XRCC5: variants seen among roughly 807,000 people sequenced by gnomAD.
XRCC5 encodes X-ray repair cross complementing 5.
Under a neutral mutation model 95.7 loss-of-function variants are expected in XRCC5, and 12 were observed. That is an observed-to-expected ratio of 0.13 (90% CI 0.08 to 0.20). The LOEUF (loss-of-function observed/expected upper bound fraction) is 0.20, where lower values mean the gene tolerates loss of function less well. Among genes scored for constraint, XRCC5 ranks in the 10% least tolerant of loss-of-function variants. XRCC5 has a pLI of 1.00. For synonymous variants in XRCC5, 281 were observed against 290.3 expected (o/e 0.97, Z 0.33); for missense variants, 595 against 873.9 (o/e 0.68, Z 4.02).
chr2:216,117,854 A>G, intron 4 of XRCC5, 60 bp downstream of exon 4: 1 of 1,475,638 alleles, frequency 6.8e-7, no homozygotes, highest in South Asian at 1.1e-5. Context: ...GTATGGGTTA[A>G]TGTATTGAAT....
At chr2:216,187,882 C>G (rs1689536889) in intron 16 of XRCC5, among the ~76,000 whole-genome samples, 2 of 145,466 alleles carry the variant, frequency 1.4e-5, no homozygotes, top group Admixed American at 1.4e-4. Context: ...CTGTCTCTCC[C>G]TCTCTCTCTC....
chr2:216,184,608 G>C (rs1689458326), intron 16 of XRCC5, among the ~76,000 whole-genome samples: 1 of 152,142 alleles, frequency 6.6e-6, no homozygotes, highest in South Asian at 2.1e-4. Context: ...TCAGCCTCCT[G>C]AGTAGCTGGG....
intron 14 of XRCC5, among the ~76,000 whole-genome samples, chr2:216,154,651 A>G (rs966827257): frequency 6.6e-6 from 1 of 152,256 alleles, no homozygotes; most frequent in African/African-American, 2.4e-5. Flanking sequence ...ATCATGTGTG[A>G]AAGACAGAGA....
intron 14 of XRCC5, among the ~76,000 whole-genome samples, chr2:216,155,711 T>TATA (rs1202368922): frequency 2.8e-4 from 43 of 152,140 alleles, no homozygotes; most frequent in Non-Finnish European, 5.9e-5. Context: ...GAATAAGATC[T>TATA]ATAATAGCCT....
chr2:216,166,506 A>G (rs1177558842), intron 16 of XRCC5, among the ~76,000 whole-genome samples: 3 of 152,198 alleles, frequency 2.0e-5, no homozygotes, highest in Non-Finnish European at 4.4e-5. Context: ...TACACTATTC[A>G]TAAGCACATC....
At chr2:216,188,524 C>A (rs1176164597) in intron 16 of XRCC5, among the ~76,000 whole-genome samples, 1 of 152,178 alleles carries the variant, frequency 6.6e-6, no homozygotes, top group Non-Finnish European at 1.5e-5. Flanking sequence ...ATTCTCATTT[C>A]AAAAGAAATG....
chr2:216,146,588 C>T (rs1688638263), intron 13 of XRCC5, among the ~76,000 whole-genome samples: 1 of 152,156 alleles, frequency 6.6e-6, no homozygotes, highest in African/African-American at 2.4e-5. Context: ...GGAAGGAAAA[C>T]ATCAATAAAC....
At chr2:216,129,288 T>A (rs1696944007) in intron 8 of XRCC5, among the ~76,000 whole-genome samples, 1 of 152,238 alleles carries the variant, frequency 6.6e-6, no homozygotes, top group Non-Finnish European at 1.5e-5. Context: ...TTTTCTCCTG[T>A]CCTCCAGTTT....
At chr2:216,119,246 G>A in intron 5 of XRCC5, 81 bp downstream of exon 5, 3 of 1,499,930 alleles carry the variant, frequency 2.0e-6, no homozygotes, top group South Asian at 2.5e-5. Context: ...TAGAGTACTT[G>A]GTTTATGGGA....
chr2:216,127,492 A>G, intron 7 of XRCC5, 44 bp from the exon 8 acceptor site: 3 of 1,555,450 alleles, frequency 1.9e-6, no homozygotes, highest in South Asian at 2.5e-5. Flanking sequence ...TATCAATTGG[A>G]ATCCTAACTT....
chr2:216,138,226 C>A, intron 12 of XRCC5, 47 bp downstream of exon 12: 7 of 1,533,116 alleles, frequency 4.6e-6, no homozygotes, highest in Non-Finnish European at 6.3e-6. Context: ...ACACACTGTT[C>A]TTGGGAAATC....
chr2:216,162,931 G>A (rs969205896), intron 16 of XRCC5, among the ~76,000 whole-genome samples: 65 of 152,184 alleles, frequency 4.3e-4, no homozygotes, highest in African/African-American at 1.5e-3. Context: ...TCACTTGATT[G>A]CATTCAGGTT....
At chr2:216,136,391 A>G (rs1204685989) in intron 10 of XRCC5, among the ~76,000 whole-genome samples, 1 of 150,912 alleles carries the variant, frequency 6.6e-6, no homozygotes, top group African/African-American at 2.4e-5. Flanking sequence ...GAATGTACAG[A>G]TTTTTGATTC....
At position 216,148,050 on chromosome 2, in the gene XRCC5, T is replaced by C. The variant is rs191919266; in HGVS notation, c.1477-33T>C. 1.3e-3 allele frequency: 2,117 copies of C among 1,590,204 alleles called. 14 individuals are homozygous for C. Among genetic ancestry groups the C allele is most frequent in the Non-Finnish European group, 8.8e-4 (1,027 of 1,172,248 alleles). On this transcript the variant is annotated intron_variant, in intron 13 of 20. Transcript: ENST00000392132. ...TATAAAGAAGCCATATATGTCTCCA[T>C]CTGTGTTTTAAAATCCTTACTTTTT...
rs746493174 is a variant in XRCC5, at chr2:216,172,469, C to CTTTTTTTTTTTTTTTTTTTTT, written c.1834+10438_1834+10439insTTTTTTTTTTTTTTTTTTTTT. On this transcript the variant is annotated intron_variant, in intron 16 of 20. Transcript: ENST00000392132. The stretch of plus-strand genomic sequence containing the variant: ...AAACTTTAGCATCAGCTTTTCTTTT[C>CTTTTTTTTTTTTTTTTTTTTT]TTTTTTTTTTTTTTTTTGAGACAAA... Among the ~76,000 whole-genome samples the CTTTTTTTTTTTTTTTTTTTTT allele has an allele frequency of 1.0e-3, 113 of 107,728 alleles. 19 individuals are homozygous for CTTTTTTTTTTTTTTTTTTTTT. Among genetic ancestry groups the CTTTTTTTTTTTTTTTTTTTTT allele is most frequent in the African/African-American group, 3.1e-3 (80 of 25,462 alleles). The allele number at this position is 107,728 out of a possible 152,430, so 70.7% of individuals were successfully genotyped here. A position where few individuals can be genotyped will look rare whatever the true frequency, so the allele number is the denominator to read the frequency against.
At chr2:216,131,333 T>G (rs1195508349) in intron 9 of XRCC5, 1 of 918,536 alleles carries the variant, frequency 1.1e-6, no homozygotes, top group Non-Finnish European at 1.3e-6. Flanking sequence ...GCTCATAATG[T>G]CTCAACTCTA....
chr2:216,131,312 A>G, intron 9 of XRCC5: 2 of 967,402 alleles, frequency 2.1e-6, no homozygotes, highest in Non-Finnish European at 1.2e-6. Context: ...AGCTGGTATT[A>G]TGGTGAAAGT....
intron 1 of XRCC5, among the ~76,000 whole-genome samples, chr2:216,112,491 T>A (rs975827254): frequency 6.6e-6 from 1 of 152,368 alleles, no homozygotes; most frequent in East Asian, 1.9e-4. Flanking sequence ...TTATTTTAGA[T>A]CATCAGTTTA....
chr2:216,117,871 T>G (rs1319794542), intron 4 of XRCC5, 77 bp downstream of exon 4: 1 of 1,389,632 alleles, frequency 7.2e-7, no homozygotes. Flanking sequence ...GAATGTATTT[T>G]GTGATTCATT....
Sources: allele counts gnomAD v4.1 joint callset (sites outside exome capture counted in the v4.1 genomes callset), GRCh38; gene constraint gnomAD v4.1.1; transcripts MANE v1.5; gene names NCBI Gene and HGNC (gene_info 2026-07-23, HGNC 2026-07-21).